MYO5B: variants seen among roughly 807,000 people sequenced by gnomAD.
The protein encoded by MYO5B is myosin VB, also known as unconventional myosin-Vb.
Under a neutral mutation model 229.3 loss-of-function variants are expected in MYO5B, and 143 were observed. The ratio of observed to expected loss-of-function variants is 0.62; its 90% CI spans 0.54 to 0.72. The LOEUF is 0.72. Among genes scored for constraint, MYO5B ranks in the 30% least tolerant of loss-of-function variants. MYO5B has a pLI of 0.00. For missense variants in MYO5B, 2,321 were observed against 2,331.0 expected (o/e 1.00, Z 0.09); for synonymous variants, 918 against 885.2 (o/e 1.04, Z -0.66).
chr18:50,122,362 C>T (rs971698659), intron 1 of MYO5B, among the ~76,000 whole-genome samples: 4 of 144,834 alleles, frequency 2.8e-5, no homozygotes, highest in Non-Finnish European at 6.0e-5. Context: ...AGCACTTTCG[C>T]AGGCCGAGGC....
intron 1 of MYO5B, among the ~76,000 whole-genome samples, chr18:50,070,679 C>T (rs912148726): frequency 6.6e-6 from 1 of 152,066 alleles, no homozygotes; most frequent in Non-Finnish European, 1.5e-5. Flanking sequence ...GATACCATTC[C>T]CCTGCTTAAA....
rs757875984 is a variant in MYO5B, at chr18:49,962,985, G to A, written c.1368C>T (p.Asn456=). 6.2e-7 allele frequency: 1 copy of A among 1,614,078 alleles called. No homozygotes were observed. The highest frequency in any genetic ancestry group is 8.5e-7 in the Non-Finnish European group (1 of 1,179,966). ...EVNSFEQFCI[N]YANEKLQQQF... is the part of the protein sequence containing the mutation. Reference sequence around the variant, plus strand: ...GCTGCTGGAGCTTTTCATTTGCATAGTTGATACAGAACTGCTCAAAGCTGT... The same window carrying A: ...GCTGCTGGAGCTTTTCATTTGCATAATTGATACAGAACTGCTCAAAGCTGT... The change falls in exon 11 of 40, where the codon AAC becomes AAT. Residue 456 remains asparagine, a synonymous_variant. Coordinates refer to ENST00000285039, the MANE Select transcript of MYO5B (RefSeq NM_001080467.3).
chr18:49,906,781 A>G, intron 18 of MYO5B, 151 bp from the exon 19 acceptor site: 1 of 723,308 alleles, frequency 1.4e-6, no homozygotes, highest in Non-Finnish European at 2.4e-6. Flanking sequence ...GCATTTGCTT[A>G]ACAGACCCCA....
At chr18:49,972,082 C>T (rs2144277022) in intron 10 of MYO5B, among the ~76,000 whole-genome samples, 1 of 152,224 alleles carries the variant, frequency 6.6e-6, no homozygotes, top group South Asian at 2.1e-4. Context: ...GCCCGGAAGC[C>T]ACTCTGAGAT....
chr18:50,096,276 G>T (rs893726369), intron 1 of MYO5B, among the ~76,000 whole-genome samples: 1 of 152,312 alleles, frequency 6.6e-6, no homozygotes, highest in African/African-American at 2.4e-5. Context: ...AACAAGGATT[G>T]TGTGCTCACC....
intron 17 of MYO5B, among the ~76,000 whole-genome samples, chr18:49,917,014 A>T (rs1159875173): frequency 6.6e-6 from 1 of 152,204 alleles, no homozygotes; most frequent in Non-Finnish European, 1.5e-5. Context: ...CTAAAGCTGG[A>T]ACAGCCCACT....
chr18:50,069,992 T>C (rs1013590528), intron 1 of MYO5B, among the ~76,000 whole-genome samples: 8 of 151,124 alleles, frequency 5.3e-5, no homozygotes, highest in African/African-American at 1.9e-4. Flanking sequence ...GGACTTCATC[T>C]CTTACCTGAA....
intron 14 of MYO5B, among the ~76,000 whole-genome samples, chr18:49,952,623 T>C (rs535534631): frequency 1.3e-5 from 2 of 152,290 alleles, no homozygotes; most frequent in African/African-American, 2.4e-5. Flanking sequence ...AGTAAATATA[T>C]GTTTGGGTGA....
At chr18:49,866,403 A>T (rs2024397278) in intron 27 of MYO5B, among the ~76,000 whole-genome samples, 1 of 152,114 alleles carries the variant, frequency 6.6e-6, no homozygotes, top group Non-Finnish European at 1.5e-5. Flanking sequence ...CAGTTCAGTG[A>T]CATTAAGTCC....
chr18:50,052,177 C>T, intron 2 of MYO5B, among the ~76,000 whole-genome samples: 1 of 152,118 alleles, frequency 6.6e-6, no homozygotes, highest in East Asian at 1.9e-4. Context: ...ACTAGAAATA[C>T]CTTTTGACCC....
Position 49,826,573 on chromosome 18 carries a change from C to T in MYO5B, c.5445G>A (p.Lys1815=). Residue 1815 remains lysine (K), a synonymous_variant, in exon 40 of 40, where the codon AAG becomes AAA. Coordinates refer to ENST00000285039, the MANE Select transcript of MYO5B (RefSeq NM_001080467.3). ...ATGGAAACAAAACAGGAAACATGTG[C>T]TTGGCATCTAATAGCAGTTGCTGAG... ...NDPQQLLLDA[K]HMFPVLFPFN... 6.2e-7 allele frequency: 1 copy of T among 1,613,966 alleles called. No individual in the cohort carries two copies. The highest frequency in any genetic ancestry group is 8.5e-7 in the Non-Finnish European group (1 of 1,179,918).
chr18:50,068,050 C>CACAA (rs1192963272), intron 1 of MYO5B, among the ~76,000 whole-genome samples: 1 of 151,480 alleles, frequency 6.6e-6, no homozygotes, highest in East Asian at 1.9e-4. Context: ...CATATACACA[C>CACAA]ACACACACAC....
At chr18:49,958,337 C>T (rs975454232) in intron 12 of MYO5B, among the ~76,000 whole-genome samples, 2 of 152,194 alleles carry the variant, frequency 1.3e-5, no homozygotes, top group South Asian at 2.1e-4. Flanking sequence ...AAACAATCTG[C>T]GCACTCTGCA....
intron 10 of MYO5B, among the ~76,000 whole-genome samples, chr18:49,967,274 C>G (rs574892776): frequency 6.6e-6 from 1 of 152,134 alleles, no homozygotes; most frequent in Non-Finnish European, 1.5e-5. Flanking sequence ...GATGCCTCTA[C>G]AAATAAGGTA....
intron 1 of MYO5B, among the ~76,000 whole-genome samples, chr18:50,089,392 AAAGTTATAGGAACCTTTTATC>A (rs1263508475): frequency 6.6e-6 from 1 of 152,098 alleles, no homozygotes; most frequent in Non-Finnish European, 1.5e-5. Flanking sequence ...AAGGAAAAAA[AAAGTTATAGGAACCTTTTATC>A]AAGGGTGAGA....
intron 17 of MYO5B, among the ~76,000 whole-genome samples, chr18:49,915,151 C>G (rs372097501): frequency 1.3e-5 from 2 of 151,628 alleles, no homozygotes; most frequent in East Asian, 3.8e-4. Context: ...TTTTTTTCCT[C>G]TATGTAAAAT....
chr18:49,837,073 T>C (rs2023996384), intron 37 of MYO5B, among the ~76,000 whole-genome samples, 188 bp from the exon 38 acceptor site: 1 of 152,070 alleles, frequency 6.6e-6, no homozygotes, highest in African/African-American at 2.4e-5. Flanking sequence ...AATGAATGAG[T>C]GGGTACTTAA....
At chr18:50,136,711 A>G (rs1194705996) in intron 1 of MYO5B, among the ~76,000 whole-genome samples, 1 of 152,198 alleles carries the variant, frequency 6.6e-6, no homozygotes, top group African/African-American at 2.4e-5. Context: ...CCTGCCACTT[A>G]GTGGCTCTTT....
At chr18:50,138,966 C>G (rs2032377473) in intron 1 of MYO5B, among the ~76,000 whole-genome samples, 1 of 152,210 alleles carries the variant, frequency 6.6e-6, no homozygotes, top group African/African-American at 2.4e-5. Flanking sequence ...ACATCTGCCT[C>G]TCTTCCCATT....
Sources: gnomAD v4.1 joint callset for allele counts (sites outside exome capture counted in the v4.1 genomes callset) on GRCh38, gnomAD v4.1.1 for gene constraint, MANE v1.5 for transcripts, NCBI Gene and HGNC (gene_info 2026-07-23, HGNC 2026-07-21) for gene names.